Variants in POT1 observed in about 807,000 individuals in gnomAD.
POT1 encodes protection of telomeres 1, also known as protection of telomeres protein 1.
Under a neutral mutation model 78.5 loss-of-function variants are expected in POT1, and 47 were observed. The observed-to-expected ratio is 0.60, with a 90% confidence interval of 0.47 to 0.76. The LOEUF (loss-of-function observed/expected upper bound fraction) is 0.76. Among genes scored for constraint, POT1 ranks in the 30% least tolerant of loss-of-function variants. POT1 has a pLI of 0.00. For synonymous variants in POT1, 259 were observed against 260.7 expected, an observed-to-expected ratio of 0.99 and a Z score of 0.06; for missense variants, 646 against 749.9, an observed-to-expected ratio of 0.86 and a Z score of 1.62.
At chr7:124,924,091 A>G (rs1442256825) in intron 2 of POT1, among the ~76,000 whole-genome samples, 1 of 151,526 alleles carries the variant, frequency 6.6e-6, no homozygotes, top group Non-Finnish European at 1.5e-5. Flanking sequence ...AGAACAAACG[A>G]AAGTCAGAGT....
chr7:124,852,911 T>G, intron 10 of POT1, 61 bp downstream of exon 10: 2 of 1,463,710 alleles, frequency 1.4e-6, no homozygotes, highest in Non-Finnish European at 1.9e-6. Context: ...AGGAACAATA[T>G]TATCTTAGAA....
At chr7:124,828,146 T>A (rs778249781) in intron 16 of POT1, among the ~76,000 whole-genome samples, 1 of 152,160 alleles carries the variant, frequency 6.6e-6, no homozygotes, top group African/African-American at 2.4e-5. Flanking sequence ...AAGATAAAAT[T>A]AAAATACAGA....
intron 8 of POT1, among the ~76,000 whole-genome samples, chr7:124,860,156 C>T (rs4584095): frequency 0.6 from 91,074 of 151,600 alleles, 27,477 homozygotes; most frequent in African/African-American, 0.65. Flanking sequence ...AAAAAAATCA[C>T]TCATATTTCC....
intron 18 of POT1, 59 bp downstream of exon 18, chr7:124,825,193 A>G (rs1794599401): frequency 2.7e-6 from 3 of 1,119,266 alleles, no homozygotes; most frequent in Admixed American, 3.7e-5. Flanking sequence ...CAGAGTACAT[A>G]TATGTTAGTG....
In POT1 at chr7:124,845,447, C is replaced by T. The variant is rs555249132; in HGVS notation, c.1006+1495G>A. Among the ~76,000 whole-genome samples the T allele has an allele frequency of 1.6e-4, 24 of 152,216 alleles. No homozygotes were observed. The South Asian group carries it at 4.4e-3, about 28-fold the overall frequency. ...TTATGCATTTTTGGCAGGAATAATG[C>T]GTAAGTGATACTGTATGCTTCTCAG... On this transcript the variant is annotated intron_variant, in intron 12 of 18. Coordinates refer to ENST00000357628, the MANE Select transcript of POT1 (RefSeq NM_015450.3).
chr7:124,830,242 C>A (rs1400956081), intron 15 of POT1, among the ~76,000 whole-genome samples: 2 of 152,016 alleles, frequency 1.3e-5, no homozygotes, highest in African/African-American at 2.4e-5. Context: ...TACTTGAATA[C>A]CAACATATTT....
At chr7:124,873,049 A>G (rs1253269339) in intron 6 of POT1, among the ~76,000 whole-genome samples, 2 of 152,128 alleles carry the variant, frequency 1.3e-5, no homozygotes, top group East Asian at 3.9e-4. Flanking sequence ...CATCTAGTTG[A>G]GTTCCTCATA....
intron 3 of POT1, among the ~76,000 whole-genome samples, chr7:124,914,830 G>A (rs560653365): frequency 6.6e-6 from 1 of 151,900 alleles, no homozygotes; most frequent in Non-Finnish European, 1.5e-5. Flanking sequence ...TATCCATAGG[G>A]GGCTCCTGGA....
At chr7:124,828,822 A>T (rs899706508) in intron 16 of POT1, 12 of 488,316 alleles carry the variant, frequency 2.5e-5, no homozygotes, top group African/African-American at 2.4e-4. Flanking sequence ...AAAAGGAAAG[A>T]AAACAAAACC....
chr7:124,911,769 G>T (rs1010080781), intron 3 of POT1, among the ~76,000 whole-genome samples: 2 of 152,064 alleles, frequency 1.3e-5, no homozygotes, highest in Non-Finnish European at 2.9e-5. Context: ...CAAAATTCTT[G>T]TAACAAGGAA....
intron 6 of POT1, among the ~76,000 whole-genome samples, chr7:124,871,786 G>A (rs1795877302): frequency 6.8e-6 from 1 of 147,928 alleles, no homozygotes. Context: ...TTTATGGTGT[G>A]CTATACATGG....
At chr7:124,878,694 C>T (rs1412182049) in intron 6 of POT1, among the ~76,000 whole-genome samples, 3 of 151,960 alleles carry the variant, frequency 2.0e-5, no homozygotes, top group Non-Finnish European at 2.9e-5. Flanking sequence ...AGTGAAGGCG[C>T]AGTTTTATTA....
rs1186225134 is a variant in POT1 at position 124,859,112 on chromosome 7, C to A, written c.547G>T (p.Val183Leu). 6.3e-7 allele frequency: 1 copy of A among 1,582,586 alleles called. No individual in the cohort carries two copies. Among genetic ancestry groups the A allele is most frequent in the Non-Finnish European group, 8.6e-7 (1 of 1,162,806 alleles). Residue 183 changes from valine (V) to leucine (L), a missense_variant and splice_region_variant, in exon 9 of 19, where the codon GTA becomes TTA. This residue lies in a region of POT1 where 252 missense variants were observed against 341.4 expected (regional missense o/e 0.74). Coordinates refer to ENST00000357628, the MANE Select transcript of POT1 (RefSeq NM_015450.3). ...EVDGASFLLKVWDGTRTPFPS... is the reference protein window; with the variant it reads ...EVDGASFLLKLWDGTRTPFPS... Reference sequence around the variant, plus strand: ...AATGGTGTCCTGGTGCCATCCCATACCTGCCATAAGAGAGTAGAGTAGTTT... The same window carrying A: ...AATGGTGTCCTGGTGCCATCCCATAACTGCCATAAGAGAGTAGAGTAGTTT...
At chr7:124,884,089 T>C (rs1796186859) in intron 6 of POT1, among the ~76,000 whole-genome samples, 1 of 152,106 alleles carries the variant, frequency 6.6e-6, no homozygotes, top group Admixed American at 6.6e-5. Context: ...GCAACCAGTA[T>C]TGCTAACACA....
At chr7:124,918,560 G>T (rs529644019) in intron 2 of POT1, among the ~76,000 whole-genome samples, 1 of 152,216 alleles carries the variant, frequency 6.6e-6, no homozygotes, top group South Asian at 2.1e-4. Context: ...TACCTACAAT[G>T]GAAGTTATTC....
intron 13 of POT1, 128 bp downstream of exon 13, chr7:124,842,679 T>C: frequency 1.5e-6 from 1 of 678,054 alleles, no homozygotes; most frequent in Non-Finnish European, 2.1e-6. Flanking sequence ...CTAAAAAATT[T>C]ACCATTCTTG....
In POT1 at chr7:124,903,790, A is replaced by G. The variant is rs571027072; in HGVS notation, c.-153-5416T>C. On this transcript the variant is annotated intron_variant, in intron 3 of 18. Transcript: ENST00000357628. ...GATAGACTGCTAGCAAGACTAATAA[A>G]GAAGAAAAGAATCAAACAAATGCAA... Among the ~76,000 whole-genome samples, 24 of 149,288 alleles carry G rather than the reference A, an allele frequency of 1.6e-4. 1 individual carries two copies. Among genetic ancestry groups the G allele is most frequent in the Non-Finnish European group, 2.4e-4 (16 of 67,102 alleles).
At chr7:124,850,408 C>T (rs1795274154) in intron 11 of POT1, among the ~76,000 whole-genome samples, 1 of 152,180 alleles carries the variant, frequency 6.6e-6, no homozygotes, top group South Asian at 2.1e-4. Flanking sequence ...CAGAATAATT[C>T]ATCTCACAGG....
intron 10 of POT1, 96 bp from the exon 11 acceptor site, chr7:124,852,047 T>C: frequency 1.2e-6 from 1 of 831,720 alleles, no homozygotes; most frequent in Non-Finnish European, 1.9e-6. Context: ...ATTGAAATTG[T>C]ATATAAAATT....
Sources: gnomAD v4.1 joint callset for allele counts (sites outside exome capture counted in the v4.1 genomes callset) on GRCh38, gnomAD v4.1.1 for gene constraint, gnomAD v4.1.1 regional missense constraint, MANE v1.5 for transcripts, NCBI Gene and HGNC (gene_info 2026-07-23, HGNC 2026-07-21) for gene names.